Variants in MYH9 observed in about 807,000 individuals in gnomAD.
MYH9 encodes the protein myosin-9.
A neutral mutation model predicts 241.9 loss-of-function variants in MYH9; 29 were observed. The observed-to-expected ratio is 0.12, with a 90% CI of 0.09 to 0.16. The LOEUF (loss-of-function observed/expected upper bound fraction) is 0.16, where lower values mean the gene tolerates loss of function less well. MYH9 is among the 10% of genes least tolerant of loss of function. MYH9 has a pLI of 1.00. For synonymous variants in MYH9, 1,047 were observed against 1,062.6 expected (o/e 0.99, Z 0.29); for missense variants, 1,803 against 2,595.5 (o/e 0.69, Z 6.63).
At chr22:36,338,918 A>C (rs1252174566) in intron 3 of MYH9, among the ~76,000 whole-genome samples, 1 of 152,220 alleles carries the variant, frequency 6.6e-6, no homozygotes, top group Non-Finnish European at 1.5e-5. Context: ...CAAATCATGA[A>C]GAGACCCTGA....
chr22:36,360,435 C>T (rs1183537636), intron 1 of MYH9, among the ~76,000 whole-genome samples: 5 of 152,024 alleles, frequency 3.3e-5, no homozygotes, highest in Non-Finnish European at 5.9e-5. Flanking sequence ...TAACTTAGGC[C>T]GGGCACAGTG....
intron 1 of MYH9, among the ~76,000 whole-genome samples, chr22:36,351,885 G>A (rs1463811160): frequency 6.6e-6 from 1 of 152,040 alleles, no homozygotes; most frequent in Non-Finnish European, 1.5e-5. Flanking sequence ...CTCCTACCGA[G>A]AGCAGAAGGG....
chr22:36,360,642 G>A (rs896004230), intron 1 of MYH9, among the ~76,000 whole-genome samples: 1 of 151,750 alleles, frequency 6.6e-6, no homozygotes, highest in Non-Finnish European at 1.5e-5. Context: ...GAACCTGGGA[G>A]GGGGAGCTTG....
intron 5 of MYH9, among the ~76,000 whole-genome samples, chr22:36,325,308 A>T (rs1024628621): frequency 2.0e-5 from 3 of 152,246 alleles, no homozygotes; most frequent in Non-Finnish European, 4.4e-5. Context: ...GTTCGGTTCC[A>T]GAAGACTGTA....
chr22:36,305,831 C>G lies in MYH9; in HGVS notation c.2159+99G>C. On this transcript the variant is annotated intron_variant, in intron 17 of 40. Transcript: ENST00000216181. This position sits in a 1 kb window ranked among gnomAD's most constrained non-coding sequence, Gnocchi z 4.7. ...TCTACATGGATGGAGGACGTCGCTC[C>G]CTCACGACAGGATCCTGCCAGGGAG... is the stretch of plus-strand genomic sequence containing the variant. 1 of 1,559,934 alleles carries G rather than the reference C, an allele frequency of 6.4e-7. No homozygotes were observed. Among genetic ancestry groups the G allele is most frequent in the South Asian group, 1.1e-5 (1 of 89,784 alleles).
rs191901912 is a variant in MYH9, at chr22:36,376,764, C to T, written c.-20+11043G>A. 5.3e-5 allele frequency among the ~76,000 whole-genome samples: 8 copies of T among 152,276 alleles called. No individual in the cohort carries two copies. In the East Asian group the frequency reaches 1.3e-3, roughly 26 times the overall value. On this transcript the variant is annotated intron_variant, in intron 1 of 40. Transcript: ENST00000216181. ...GCTATCTAGGCCTCCCTGTCGCAGGCTTAGAACTGAAGACACTGGCTGGGC... is the reference window on the plus strand; with the variant it reads ...GCTATCTAGGCCTCCCTGTCGCAGGTTTAGAACTGAAGACACTGGCTGGGC...
intron 2 of MYH9, among the ~76,000 whole-genome samples, chr22:36,347,531 G>A (rs751951919): frequency 5.9e-5 from 9 of 151,702 alleles, no homozygotes; most frequent in Admixed American, 5.9e-4. Context: ...TCAGGAGTTC[G>A]AGACCAGCCC....
At chr22:36,382,898 T>C (rs79087055) in intron 1 of MYH9, among the ~76,000 whole-genome samples, 6,101 of 152,204 alleles carry the variant, frequency 0.04, 171 homozygotes, top group East Asian at 0.1. Context: ...TGGTATGATA[T>C]CTTTGTAGGG....
In MYH9 at chr22:36,288,124, G is replaced by T. The variant is rs570613152; in HGVS notation, c.4932+128C>A. 3 of 1,115,848 alleles carry T rather than the reference G, an allele frequency of 2.7e-6. No homozygotes were observed. The African/African-American group carries it at 4.6e-5, about 17-fold the overall frequency. 69.1% of individuals were successfully genotyped at this position (1,115,848 alleles called of 1,614,324 possible). ...CTCTGTCAGTGAGATGGGGCTGGAAGCACCCAGGACCTTCCCAGGAGGTGC... is the reference window on the plus strand; with the variant it reads ...CTCTGTCAGTGAGATGGGGCTGGAATCACCCAGGACCTTCCCAGGAGGTGC... On this transcript the variant is annotated intron_variant, in intron 34 of 40. Transcript: ENST00000216181. The surrounding 1 kb of genome is among the most constrained non-coding windows in gnomAD (Gnocchi z 4.8).
chr22:36,372,515 A>T (rs2018104240), intron 1 of MYH9, among the ~76,000 whole-genome samples: 1 of 149,578 alleles, frequency 6.7e-6, no homozygotes, highest in Admixed American at 6.7e-5. Context: ...AAAAAATGAC[A>T]GGTAATAAAA....
intron 6 of MYH9, 192 bp from the exon 7 acceptor site, chr22:36,322,013 G>A (rs547287327): frequency 2.3e-5 from 15 of 638,416 alleles, no homozygotes; most frequent in Non-Finnish European, 3.1e-5. Flanking sequence ...GGACTCAGGC[G>A]CCACACTGCC....
intron 3 of MYH9, among the ~76,000 whole-genome samples, chr22:36,331,891 C>A (rs759971232): frequency 2.0e-5 from 3 of 152,200 alleles, no homozygotes; most frequent in Non-Finnish European, 4.4e-5. Context: ...AACATGCCCA[C>A]GTTGGGTGAG....
intron 1 of MYH9, among the ~76,000 whole-genome samples, chr22:36,372,305 T>C (rs1297121353): frequency 3.9e-5 from 6 of 151,946 alleles, no homozygotes; most frequent in Admixed American, 6.6e-5. Flanking sequence ...CTGGGTAACA[T>C]AGCAAGATCC....
At chr22:36,354,548 G>A (rs1423766407) in intron 1 of MYH9, among the ~76,000 whole-genome samples, 2 of 151,122 alleles carry the variant, frequency 1.3e-5, no homozygotes, top group South Asian at 2.1e-4. Context: ...AGGTTCAAGC[G>A]ATTCTCCGCT....
At position 36,285,613 on chromosome 22, in the gene MYH9, G is replaced by C; in HGVS notation, c.5274+45C>G. 1 of 1,610,066 alleles carries C rather than the reference G, an allele frequency of 6.2e-7. No individual in the cohort carries two copies. The highest frequency in any genetic ancestry group is 8.5e-7 in the Non-Finnish European group (1 of 1,179,840). On this transcript the variant is annotated intron_variant, in intron 37 of 40. Transcript: ENST00000216181. The surrounding 1 kb of genome is among the most constrained non-coding windows in gnomAD (Gnocchi z 7.0). Reference sequence around the variant, plus strand: ...TGGGTCCAAGGCCAGCTCTGCCGTGGTGGCTCCAGCCAGAGCCCAGAGTGG... The same window carrying C: ...TGGGTCCAAGGCCAGCTCTGCCGTGCTGGCTCCAGCCAGAGCCCAGAGTGG...
At chr22:36,324,902 CA>C (rs1250467545) in intron 5 of MYH9, 1 of 599,910 alleles carries the variant, frequency 1.7e-6, no homozygotes, top group Non-Finnish European at 3.0e-6. Context: ...TTCCCCTCTA[CA>C]ACAGGAACCC....
Position 36,306,268 on chromosome 22 carries a change from G to C in MYH9, c.2037+146C>G, listed in dbSNP as rs558274742. 2 of 1,277,446 alleles carry C rather than the reference G, an allele frequency of 1.6e-6. No homozygotes were observed. Among genetic ancestry groups the C allele is most frequent in the South Asian group, 2.5e-5 (2 of 79,178 alleles). The allele number at this position is 1,277,446 out of a possible 1,614,324, so 79.1% of individuals were successfully genotyped here. On this transcript the variant is annotated intron_variant, in intron 16 of 40. Coordinates refer to ENST00000216181, the MANE Select transcript of MYH9 (RefSeq NM_002473.6). The surrounding 1 kb of genome is among the most constrained non-coding windows in gnomAD (Gnocchi z 4.1). Reference sequence around the variant, plus strand: ...TGTGAATGTAGCGTATCTCCTAAGCGAGCCAAGGCCCACCCTGCAGAGAAA... The same window carrying C: ...TGTGAATGTAGCGTATCTCCTAAGCCAGCCAAGGCCCACCCTGCAGAGAAA...
Position 36,320,508 on chromosome 22 carries a change from C to T in MYH9, c.869-145G>A. ...AAACCGCAGAGTAGCCAGTGACGTTCAGCTTTCCTCAGTGTCTGAGACTCT... is the reference window on the plus strand; with the variant it reads ...AAACCGCAGAGTAGCCAGTGACGTTTAGCTTTCCTCAGTGTCTGAGACTCT... On this transcript the variant is annotated intron_variant, in intron 8 of 40. Coordinates refer to ENST00000216181, the MANE Select transcript of MYH9 (RefSeq NM_002473.6). The surrounding 1 kb of genome is among the most constrained non-coding windows in gnomAD (Gnocchi z 4.8). 1 of 1,069,628 alleles carries T rather than the reference C, an allele frequency of 9.3e-7. No homozygotes were observed. Among genetic ancestry groups the T allele is most frequent in the South Asian group, 1.3e-5 (1 of 76,656 alleles). The allele number at this position is 1,069,628 out of a possible 1,614,324, so 66.3% of individuals were successfully genotyped here. A position where few individuals can be genotyped will look rare whatever the true frequency, so the allele number is the denominator to read the frequency against.
chr22:36,284,178 G>T lies in MYH9; in HGVS notation c.5680C>A (p.Arg1894=), dbSNP rs372051836. ...TCCTCCAGCTCGCGCTGCAGTTTCC[G>T]GCGGGAGGCGTTGGCCCGCTGGGCC... ...EEAQRANASR[R]KLQRELEDAT... is the part of the protein sequence containing the mutation. The change falls in exon 40 of 41, where the codon CGG becomes AGG. Residue 1894 remains arginine, a synonymous_variant. Transcript: ENST00000216181. The T allele has an allele frequency of 1.2e-6, 2 of 1,613,840 alleles. No homozygotes were observed. The highest frequency in any genetic ancestry group is 1.7e-6 in the Non-Finnish European group (2 of 1,179,972).
Sources: gnomAD v4.1 joint callset for allele counts (sites outside exome capture counted in the v4.1 genomes callset) on GRCh38, gnomAD v4.1.1 for gene constraint, Gnocchi (gnomAD v3.1) non-coding constraint, MANE v1.5 for transcripts, NCBI Gene and HGNC (gene_info 2026-07-23, HGNC 2026-07-21) for gene names.